EXT1: variants seen among roughly 807,000 people sequenced by gnomAD.
EXT1 encodes the protein exostosin-1.
Under a neutral mutation model 82.5 loss-of-function variants are expected in EXT1, and 20 were observed. That is an observed-to-expected ratio of 0.24 (90% CI 0.17 to 0.35). EXT1 has a LOEUF of 0.35. EXT1 is among the 10% of genes least tolerant of loss of function. The pLI, the probability that EXT1 is intolerant of heterozygous loss-of-function variation, is 1.00. For synonymous variants in EXT1, 348 were observed against 350.8 expected (o/e 0.99, Z 0.09); for missense variants, 757 against 936.5 (o/e 0.81, Z 2.50).
chr8:117,892,497 G>A (rs776237199), intron 1 of EXT1, among the ~76,000 whole-genome samples: 6 of 152,128 alleles, frequency 3.9e-5, no homozygotes, highest in Admixed American at 6.5e-5. Context: ...TTGGGAGGTC[G>A]CATCAAACTA....
At chr8:117,977,953 C>T (rs1815103625) in intron 1 of EXT1, among the ~76,000 whole-genome samples, 1 of 152,228 alleles carries the variant, frequency 6.6e-6, no homozygotes, top group African/African-American at 2.4e-5. Flanking sequence ...AGGAAACACA[C>T]AGTGCTAATG....
intron 1 of EXT1, among the ~76,000 whole-genome samples, chr8:118,059,913 A>C (rs1204304410): frequency 6.6e-6 from 1 of 152,206 alleles, no homozygotes; most frequent in Admixed American, 6.5e-5. Context: ...AACAACTTGC[A>C]ATTCCATGCA....
At chr8:117,800,957 G>A (rs538550321) in intron 10 of EXT1, among the ~76,000 whole-genome samples, 2 of 152,280 alleles carry the variant, frequency 1.3e-5, no homozygotes, top group South Asian at 4.1e-4. Flanking sequence ...CCAATTATGG[G>A]GGAACCCCCA....
chr8:117,822,400 G>C (rs953538545), intron 5 of EXT1, 65 bp downstream of exon 5: 2 of 1,566,396 alleles, frequency 1.3e-6, no homozygotes, highest in African/African-American at 1.4e-5. Flanking sequence ...AAGAATAAAG[G>C]CCTTTAGTTC....
intron 1 of EXT1, among the ~76,000 whole-genome samples, chr8:117,863,463 T>C (rs937868227): frequency 2.6e-5 from 4 of 151,748 alleles, no homozygotes; most frequent in Non-Finnish European, 4.4e-5. Flanking sequence ...GTGACACTTT[T>C]GTATTGCTTT....
intron 1 of EXT1, among the ~76,000 whole-genome samples, chr8:118,028,652 G>A (rs1048579605): frequency 7.9e-5 from 12 of 152,046 alleles, no homozygotes; most frequent in African/African-American, 1.9e-4. Context: ...TAAGCCAGCC[G>A]GGCGTGGTGG....
intron 1 of EXT1, among the ~76,000 whole-genome samples, chr8:117,904,080 A>G (rs1813500428): frequency 6.6e-6 from 1 of 152,238 alleles, no homozygotes; most frequent in Admixed American, 6.5e-5. Context: ...GGTTCTGCTA[A>G]GAAAATCAGT....
At chr8:118,002,778 C>T (rs765737665) in intron 1 of EXT1, among the ~76,000 whole-genome samples, 4 of 151,956 alleles carry the variant, frequency 2.6e-5, no homozygotes, top group Admixed American at 2.0e-4. Context: ...GTGATCCACC[C>T]GCCTCAGCCT....
chr8:117,870,092 CTTACT>C (rs998504489), intron 1 of EXT1, among the ~76,000 whole-genome samples: 5 of 152,032 alleles, frequency 3.3e-5, no homozygotes, highest in Middle Eastern at 6.8e-3. Context: ...GACTTTGCTC[CTTACT>C]TTAAAAAAAA....
intron 1 of EXT1, among the ~76,000 whole-genome samples, chr8:118,058,998 C>T (rs1816838621): frequency 6.6e-6 from 1 of 152,148 alleles, no homozygotes; most frequent in Non-Finnish European, 1.5e-5. Flanking sequence ...TTTCTCCACC[C>T]CACCAGACCC....
chr8:117,844,913 G>T (rs1284766917), intron 1 of EXT1, among the ~76,000 whole-genome samples: 2 of 152,134 alleles, frequency 1.3e-5, no homozygotes, highest in Non-Finnish European at 2.9e-5. Flanking sequence ...CCTGCTGTTA[G>T]AACTGCCACA....
At position 118,111,016 on chromosome 8, in the gene EXT1, G is replaced by A. The variant is rs769143352; in HGVS notation, c.31C>T (p.Leu11Phe). ...AGGGCGAGACAAGAGCCAGCTGAGA[G>A]CAGGATGAAATAGCGTTTTTTGGCC... MQAKKRYFIL[L>F]SAGSCLALLF... Residue 11 changes from leucine to phenylalanine, a missense_variant, in exon 1 of 11, where the codon CTC (leucine) becomes TTC (phenylalanine). Transcript: ENST00000378204. 1.9e-6 allele frequency: 3 copies of A among 1,602,644 alleles called. No individual in the cohort carries two copies. Among genetic ancestry groups the A allele is most frequent in the Middle Eastern group, 3.3e-4 (2 of 6,058 alleles).
intron 4 of EXT1, among the ~76,000 whole-genome samples, chr8:117,826,724 T>C (rs1812013619): frequency 6.6e-6 from 1 of 152,152 alleles, no homozygotes; most frequent in South Asian, 2.1e-4. Context: ...CTTGGAACTA[T>C]ATAAAGAGAT....
intron 1 of EXT1, among the ~76,000 whole-genome samples, chr8:118,064,132 G>A (rs1158164653): frequency 6.6e-6 from 1 of 152,116 alleles, no homozygotes; most frequent in Non-Finnish European, 1.5e-5. Context: ...TGAAAGTACT[G>A]GGATTACAGG....
rs1024077462 is a variant in EXT1 at position 117,920,191 on chromosome 8, A to G, written c.963-82990T>C. ...GCGATCTCGGCTCACTGCAACCTCC[A>G]CCTCCCAGGTTCAGGCGATTCTCTT... On this transcript the variant is annotated intron_variant, in intron 1 of 10. Transcript: ENST00000378204. Among the ~76,000 whole-genome samples, 3 of 151,888 alleles carry G rather than the reference A, an allele frequency of 2.0e-5. No individual in the cohort carries two copies. In the South Asian group the frequency reaches 6.2e-4, roughly 32 times the overall value.
chr8:117,943,821 C>A (rs979283939), intron 1 of EXT1, among the ~76,000 whole-genome samples: 1 of 152,182 alleles, frequency 6.6e-6, no homozygotes, highest in Non-Finnish European at 1.5e-5. Context: ...CCTCCTTTAA[C>A]AGTGTGCTGG....
At chr8:118,072,654 T>G (rs767471367) in intron 1 of EXT1, among the ~76,000 whole-genome samples, 1 of 152,238 alleles carries the variant, frequency 6.6e-6, no homozygotes, top group African/African-American at 2.4e-5. Context: ...ATTCTGGAGA[T>G]AGATCTGGCT....
intron 1 of EXT1, among the ~76,000 whole-genome samples, chr8:118,078,234 T>C (rs1012684239): frequency 2.6e-5 from 4 of 152,226 alleles, no homozygotes; most frequent in Admixed American, 2.6e-4. Flanking sequence ...AGTCTCGCTC[T>C]GTCACCCAGG....
intron 1 of EXT1, among the ~76,000 whole-genome samples, chr8:117,848,723 T>G (rs186347464): frequency 5.3e-5 from 8 of 152,264 alleles, no homozygotes; most frequent in Non-Finnish European, 1.5e-5. Flanking sequence ...CACACCCTTC[T>G]TCCTATACCT....
Sources: allele counts gnomAD v4.1 joint callset (sites outside exome capture counted in the v4.1 genomes callset), GRCh38; gene constraint gnomAD v4.1.1; transcripts MANE v1.5; gene names NCBI Gene and HGNC (gene_info 2026-07-23, HGNC 2026-07-21).